SLC30A8: variants seen among roughly 807,000 people sequenced by gnomAD.
SLC30A8 encodes solute carrier family 30 member 8, also known as proton-coupled zinc antiporter SLC30A8.
A neutral mutation model predicts 36.9 loss-of-function variants in SLC30A8; 27 were observed. That is an observed-to-expected ratio of 0.73 (90% confidence interval 0.54 to 1.01). SLC30A8 has a LOEUF of 1.01. Ranked by LOEUF, SLC30A8 falls within the 50% of genes least tolerant of loss-of-function variation. The pLI, the probability that SLC30A8 is intolerant of heterozygous loss-of-function variation, is 0.00. For missense variants in SLC30A8, 439 were observed against 452.0 expected (o/e 0.97, Z 0.26); for synonymous variants, 164 against 172.4 (o/e 0.95, Z 0.38).
chr8:116,967,846 C>A (rs368149456), intron 1 of SLC30A8, among the ~76,000 whole-genome samples: 1 of 152,140 alleles, frequency 6.6e-6, no homozygotes, highest in African/African-American at 2.4e-5. Context: ...GATTCTGTTT[C>A]AAGCTGTAAT....
chr8:117,075,073 A>G (rs1024751464), intron 2 of SLC30A8, among the ~76,000 whole-genome samples: 1 of 152,342 alleles, frequency 6.6e-6, no homozygotes, highest in East Asian at 1.9e-4. Context: ...AAGTTACAGA[A>G]AGAAGTTAGT....
intron 1 of SLC30A8, 197 bp from the exon 2 acceptor site, chr8:117,146,757 T>C (rs1821914868): frequency 3.0e-6 from 4 of 1,331,498 alleles, no homozygotes; most frequent in Admixed American, 3.0e-5. Context: ...GTAAAACTTT[T>C]AGTAGTTGAA....
chr8:117,042,661 A>G (rs1470299093), intron 2 of SLC30A8, among the ~76,000 whole-genome samples: 1 of 150,464 alleles, frequency 6.6e-6, no homozygotes, highest in African/African-American at 2.4e-5. Flanking sequence ...TTTGGGGGCT[A>G]TGAATTTAGT....
At chr8:117,156,509 G>T (rs1822494726) in intron 3 of SLC30A8, among the ~76,000 whole-genome samples, 1 of 152,184 alleles carries the variant, frequency 6.6e-6, no homozygotes, top group Non-Finnish European at 1.5e-5. Context: ...GTCACTGGCA[G>T]GCCATATACG....
At chr8:117,010,055 T>C (rs986208850) in intron 1 of SLC30A8, among the ~76,000 whole-genome samples, 3 of 152,196 alleles carry the variant, frequency 2.0e-5, no homozygotes, top group African/African-American at 7.2e-5. Flanking sequence ...GAGTTTTGTG[T>C]ATATGAGTTT....
chr8:117,090,433 A>G (rs1819066643), intron 2 of SLC30A8, among the ~76,000 whole-genome samples: 1 of 152,206 alleles, frequency 6.6e-6, no homozygotes, highest in African/African-American at 2.4e-5. Context: ...TAGACTGGGT[A>G]ACATAAACAA....
At chr8:117,026,062 G>A (rs181681963) in intron 1 of SLC30A8, among the ~76,000 whole-genome samples, 1 of 152,166 alleles carries the variant, frequency 6.6e-6, no homozygotes, top group African/African-American at 2.4e-5. Context: ...GGAGATGCAG[G>A]GGGGAGAAAA....
intron 1 of SLC30A8, among the ~76,000 whole-genome samples, chr8:117,145,865 C>T (rs886325045): frequency 6.6e-6 from 1 of 151,970 alleles, no homozygotes; most frequent in African/African-American, 2.4e-5. Context: ...AAGCCAAGCA[C>T]AGAAAGACAA....
chr8:117,049,575 T>C lies in SLC30A8; in HGVS notation c.-226+10317T>C, dbSNP rs183682870. 2.2e-3 allele frequency among the ~76,000 whole-genome samples: 332 copies of C among 152,308 alleles called. 1 individual carries two copies. Among genetic ancestry groups the C allele is most frequent in the African/African-American group, 7.7e-3 (319 of 41,570 alleles). ...AGAGCCCTCAGGAATACATCAGTCA[T>C]TTGGAAGCTTTGAAAATGTTTTTAC... On this transcript the variant is annotated intron_variant, in intron 2 of 10. Transcript: ENST00000427715.
chr8:117,116,680 G>A (rs1820459872), intron 2 of SLC30A8, among the ~76,000 whole-genome samples: 1 of 151,982 alleles, frequency 6.6e-6, no homozygotes, highest in South Asian at 2.1e-4. Context: ...TAACCTGTCT[G>A]TCCTTGAAGT....
intron 1 of SLC30A8, among the ~76,000 whole-genome samples, chr8:116,967,526 C>T (rs1189755631): frequency 6.6e-5 from 10 of 152,190 alleles, no homozygotes; most frequent in Non-Finnish European, 1.5e-4. Context: ...CTCCATAGCT[C>T]TGAACCCTCA....
chr8:116,963,701 A>G (rs1814508419), intron 1 of SLC30A8, among the ~76,000 whole-genome samples: 1 of 152,184 alleles, frequency 6.6e-6, no homozygotes, highest in African/African-American at 2.4e-5. Flanking sequence ...GCTATCGTGA[A>G]TAGTGCTGCT....
chr8:117,153,122 G>A (rs1822279584), intron 3 of SLC30A8, 32 bp downstream of exon 3: 1 of 1,519,864 alleles, frequency 6.6e-7, no homozygotes, highest in Non-Finnish European at 8.9e-7. Flanking sequence ...ATAACAGCAG[G>A]CTGGTGCTGC....
intron 2 of SLC30A8, among the ~76,000 whole-genome samples, chr8:117,062,362 T>C (rs1470024478): frequency 6.6e-6 from 1 of 152,154 alleles, no homozygotes; most frequent in Non-Finnish European, 1.5e-5. Context: ...TCTGCTCAGC[T>C]TCTGGGGAGG....
chr8:117,062,463 G>A (rs1818047563), intron 2 of SLC30A8, among the ~76,000 whole-genome samples: 1 of 152,142 alleles, frequency 6.6e-6, no homozygotes, highest in Non-Finnish European at 1.5e-5. Flanking sequence ...CGGGGAAGGT[G>A]TTTTTTAAAC....
chr8:117,051,960 C>A (rs1034011668), intron 2 of SLC30A8, among the ~76,000 whole-genome samples: 7 of 152,198 alleles, frequency 4.6e-5, no homozygotes, highest in African/African-American at 1.4e-4. Context: ...AAAGCACATA[C>A]CAGCGCTATG....
intron 2 of SLC30A8, among the ~76,000 whole-genome samples, chr8:117,060,577 T>C (rs1276563253): frequency 6.6e-6 from 1 of 152,200 alleles, no homozygotes; most frequent in Non-Finnish European, 1.5e-5. Context: ...CTTATCAGTG[T>C]TCCAGAGAGA....
intron 1 of SLC30A8, among the ~76,000 whole-genome samples, chr8:116,985,160 G>A (rs1815398448): frequency 6.6e-6 from 1 of 151,600 alleles, no homozygotes; most frequent in Non-Finnish European, 1.5e-5. Flanking sequence ...AATGTAGAAA[G>A]GTCAAATTAG....
chr8:117,066,572 T>C (rs1454597074), intron 2 of SLC30A8, among the ~76,000 whole-genome samples: 1 of 152,122 alleles, frequency 6.6e-6, no homozygotes, highest in Non-Finnish European at 1.5e-5. Context: ...TCCTACTGGC[T>C]TTGGTGAGAC....
Sources: allele counts gnomAD v4.1 joint callset (sites outside exome capture counted in the v4.1 genomes callset), GRCh38; gene constraint gnomAD v4.1.1; transcripts MANE v1.5; gene names NCBI Gene and HGNC (gene_info 2026-07-23, HGNC 2026-07-21).